Variants in FAM163B observed in about 807,000 individuals in gnomAD.
FAM163B encodes the protein protein FAM163B.
In FAM163B, 4 loss-of-function variants were observed where a neutral mutation model predicts 7.6. That is an observed-to-expected ratio of 0.52 (90% CI 0.26 to 1.20). The LOEUF (loss-of-function observed/expected upper bound fraction) is 1.20. Among genes scored for constraint, FAM163B ranks in the 50% most tolerant of loss-of-function variants. FAM163B has a pLI of 0.14. For missense variants in FAM163B, 250 were observed against 243.0 expected, an observed-to-expected ratio of 1.03 and a Z score of -0.19; for synonymous variants, 120 against 111.6, an observed-to-expected ratio of 1.07 and a Z score of -0.47.
At chr9:133,599,635 T>C (rs1831683701) in intron 1 of FAM163B, among the ~76,000 whole-genome samples, 1 of 150,652 alleles carries the variant, frequency 6.6e-6, no homozygotes, top group South Asian at 2.1e-4. Context: ...CATGTATGTG[T>C]AAGTGTGCAT....
chr9:133,585,863 T>G (rs1470640913), intron 1 of FAM163B: 4 of 152,212 alleles, frequency 2.6e-5, no homozygotes, highest in Admixed American at 2.6e-4. Context: ...CCAGGCTTGT[T>G]GCCTCACGGT....
Position 133,581,108 on chromosome 9 carries a change from C to T in FAM163B, c.-23-862G>A, listed in dbSNP as rs796838735. The stretch of plus-strand genomic sequence containing the variant: ...TGTGGAAAATGTCCATCAAACACAA[C>T]GCAGGGAGGCTGGAGTGATGCTGTC... On this transcript the variant is annotated intron_variant, in intron 1 of 2. Transcript: ENST00000673969. Among the ~76,000 whole-genome samples the T allele has an allele frequency of 1.2e-3, 188 of 152,312 alleles. 1 individual carries two copies. The highest frequency in any genetic ancestry group is 4.2e-3 in the African/African-American group (174 of 41,568).
chr9:133,579,182 A>C lies in FAM163B; in HGVS notation c.341T>G (p.Val114Gly), dbSNP rs755778016. 4.3e-6 allele frequency: 7 copies of C among 1,611,732 alleles called. No individual in the cohort carries two copies. The Admixed American group carries it at 5.0e-5, about 12-fold the overall frequency. Residue 114 changes from valine (V) to glycine (G), a missense_variant, in exon 3 of 3, where the codon GTG (valine) becomes GGG (glycine). Transcript: ENST00000673969. ...GAGCACGCGCTCCCCGCCGTTCAGC[A>C]CGTCCTCTTCCTCCTCCGGCGGCTC... ...LQEPPEEEEDVLNGGERVLYK... is the reference protein window; with the variant it reads ...LQEPPEEEEDGLNGGERVLYK...
Position 133,579,309 on chromosome 9 carries a change from G to A in FAM163B, c.214C>T (p.Leu72Phe), listed in dbSNP as rs1831313466. The A allele has an allele frequency of 6.2e-7, 1 of 1,613,448 alleles. No individual in the cohort carries two copies. Among genetic ancestry groups the A allele is most frequent in the Non-Finnish European group, 8.5e-7 (1 of 1,179,950 alleles). The change falls in exon 3 of 3, where the codon CTC (leucine) becomes TTC (phenylalanine). Residue 72 changes from leucine (L) to phenylalanine (F), a missense_variant. Leu to Phe is a conservative substitution (Grantham distance 22, BLOSUM62 0). Coordinates refer to ENST00000673969, the MANE Select transcript of FAM163B (RefSeq NM_001080515.3). ...RNLVLTNGPA[L>F]YPTASTSFSQ... ...AAGGAGGTGGAGGCGGTGGGGTAGA[G>A]CGCCGGCCCGTTGGTCAGCACCAGG... is the stretch of plus-strand genomic sequence containing the variant.
In FAM163B at chr9:133,600,697, G is replaced by A. The variant is rs1246939559; in HGVS notation, c.-24+8380C>T. On this transcript the variant is annotated intron_variant, in intron 1 of 2. Coordinates refer to ENST00000673969, the MANE Select transcript of FAM163B (RefSeq NM_001080515.3). This position sits in a 1 kb window ranked among gnomAD's most constrained non-coding sequence, Gnocchi z 4.9. ...AAGCTCCTGGAGTCGCAGGCTCCCA[G>A]AATCTTAAAGCCACATTTTAGAGTC... Among the ~76,000 whole-genome samples the A allele has an allele frequency of 1.5e-5, 2 of 137,900 alleles. No individual in the cohort carries two copies. Among genetic ancestry groups the A allele is most frequent in the Non-Finnish European group, 3.1e-5 (2 of 64,712 alleles). The allele number at this position is 137,900 out of a possible 152,430, so 90.5% of individuals were successfully genotyped here.
At chr9:133,580,068 C>T (rs2131211838) in intron 2 of FAM163B, 63 bp downstream of exon 2, 2 of 1,434,042 alleles carry the variant, frequency 1.4e-6, no homozygotes, top group Middle Eastern at 1.8e-4. Flanking sequence ...GGGGCTCCCT[C>T]CCGAGGTAGG....
At chr9:133,596,772 T>G (rs1040260831) in intron 1 of FAM163B, among the ~76,000 whole-genome samples, 2 of 152,208 alleles carry the variant, frequency 1.3e-5, no homozygotes, top group African/African-American at 4.8e-5. Context: ...GGGTCCCCCA[T>G]GAGTAGCTGG....
rs1057453647 is a variant in FAM163B at position 133,578,903 on chromosome 9, G to C, written c.*119C>G. The C allele has an allele frequency of 4.9e-6, 7 of 1,430,108 alleles. No homozygotes were observed. The African/African-American group carries it at 8.6e-5, about 18-fold the overall frequency. The allele number at this position is 1,430,108 out of a possible 1,614,324, so 88.6% of individuals were successfully genotyped here. A position where few individuals can be genotyped will look rare whatever the true frequency, so the allele number is the denominator to read the frequency against. On this transcript the variant is annotated 3_prime_UTR_variant, in exon 3 of 3. Coordinates refer to ENST00000673969, the MANE Select transcript of FAM163B (RefSeq NM_001080515.3). ...CAAGCCTGGGCCTCCCCTGAGGACA[G>C]GGATTCCAGGAGGGCTCAGCCAAGC...
intron 1 of FAM163B, among the ~76,000 whole-genome samples, chr9:133,592,036 C>T (rs746647501): frequency 6.6e-6 from 1 of 152,124 alleles, no homozygotes; most frequent in Admixed American, 6.5e-5. Flanking sequence ...GCCTGGCCCA[C>T]CCTGCTTGTT....
At chr9:133,590,752 G>A (rs739446) in intron 1 of FAM163B, among the ~76,000 whole-genome samples, 20,519 of 152,082 alleles carry the variant, frequency 0.13, 1,586 homozygotes, top group African/African-American at 0.17. Context: ...AGCCAGCAGC[G>A]TGGCCCGGAA....
chr9:133,597,836 G>C (rs760190948), intron 1 of FAM163B, among the ~76,000 whole-genome samples: 1 of 151,840 alleles, frequency 6.6e-6, no homozygotes, highest in African/African-American at 2.4e-5. Flanking sequence ...GGTGCCTTTC[G>C]AGTGCTAAAA....
intron 1 of FAM163B, among the ~76,000 whole-genome samples, chr9:133,581,481 C>T (rs923721420): frequency 2.0e-5 from 3 of 152,056 alleles, no homozygotes; most frequent in Admixed American, 6.5e-5. Context: ...CAGCATCTGA[C>T]GGAGGAGGAT....
intron 1 of FAM163B, among the ~76,000 whole-genome samples, chr9:133,590,067 C>T (rs1344000635): frequency 5.6e-5 from 2 of 35,930 alleles, no homozygotes; most frequent in African/African-American, 1.8e-4. Flanking sequence ...CTTCCCTTCC[C>T]CTTCCCTTCC....
At chr9:133,602,925 C>T (rs970257578) in intron 1 of FAM163B, among the ~76,000 whole-genome samples, 7 of 152,164 alleles carry the variant, frequency 4.6e-5, no homozygotes, top group Non-Finnish European at 1.0e-4. Flanking sequence ...AGTTTTGAAC[C>T]GTTGAGAAGG....
At chr9:133,586,801 T>C (rs1009162655) in intron 1 of FAM163B, among the ~76,000 whole-genome samples, 94 of 152,120 alleles carry the variant, frequency 6.2e-4, no homozygotes, top group Non-Finnish European at 1.2e-3. Flanking sequence ...CCTGCCTTTC[T>C]CAGGACTGCC....
chr9:133,607,771 C>A (rs1047561032), intron 1 of FAM163B, among the ~76,000 whole-genome samples: 6 of 152,168 alleles, frequency 3.9e-5, no homozygotes, highest in Admixed American at 3.9e-4. Context: ...AAGTGCAAGA[C>A]CGAATGAACA....
At chr9:133,588,654 T>TGTAGCA (rs1831485951) in intron 1 of FAM163B, among the ~76,000 whole-genome samples, 1 of 139,252 alleles carries the variant, frequency 7.2e-6, no homozygotes, top group Admixed American at 7.4e-5. Context: ...GGTTGAAGGA[T>TGTAGCA]CTAGCATGCT....
intron 1 of FAM163B, among the ~76,000 whole-genome samples, chr9:133,589,628 G>A (rs113776467): frequency 0.14 from 18,532 of 132,760 alleles, 1,623 homozygotes; most frequent in East Asian, 0.52. Flanking sequence ...GACACAGCGC[G>A]CACACACACA....
chr9:133,597,118 A>G (rs1831643597), intron 1 of FAM163B, among the ~76,000 whole-genome samples: 1 of 152,366 alleles, frequency 6.6e-6, no homozygotes, highest in Admixed American at 6.5e-5. Flanking sequence ...GGAAAGAAGC[A>G]GAAAAATACA....
Sources: gnomAD v4.1 joint callset for allele counts (sites outside exome capture counted in the v4.1 genomes callset) on GRCh38, gnomAD v4.1.1 for gene constraint, Gnocchi (gnomAD v3.1) non-coding constraint, MANE v1.5 for transcripts, NCBI Gene and HGNC (gene_info 2026-07-23, HGNC 2026-07-21) for gene names.